The following PLEKHA6 variants were observed in gnomAD, a reference collection of about 807,000 sequenced individuals.
PLEKHA6 encodes the protein pleckstrin homology domain containing A6.
In PLEKHA6, 60 loss-of-function variants were observed where a neutral mutation model predicts 116.7. The ratio of observed to expected loss-of-function variants is 0.51; its 90% CI spans 0.42 to 0.64. The LOEUF is 0.64. Ranked by LOEUF, PLEKHA6 falls within the 30% of genes least tolerant of loss-of-function variation. The pLI is 0.00. For missense variants in PLEKHA6, 1,338 were observed against 1,422.7 expected (o/e 0.94, Z 0.96); for synonymous variants, 489 against 556.1 (o/e 0.88, Z 1.70).
At chr1:204,256,921 T>A (rs1460843393) in intron 9 of PLEKHA6, 3 of 600,170 alleles carry the variant, frequency 5.0e-6, no homozygotes, top group Non-Finnish European at 9.0e-6. Flanking sequence ...AGGTGAGGGG[T>A]CTGGCTGGGA....
chr1:204,244,914 A>C lies in PLEKHA6; in HGVS notation c.2122T>G (p.Ser708Ala). 6.5e-7 allele frequency: 1 copy of C among 1,546,040 alleles called. No individual in the cohort carries two copies. Among genetic ancestry groups the C allele is most frequent in the East Asian group, 2.5e-5 (1 of 40,276 alleles). The change falls in exon 15 of 23, where the codon TCA (serine) becomes GCA (alanine). Residue 708 changes from serine (S) to alanine (A), a missense_variant. Physicochemically the swap from Ser to Ala is moderately conservative, Grantham distance 99 (BLOSUM62 1). Transcript: ENST00000272203. ...ASLTSPLSPF[S>A]LVSGSQGSPT... ...GACCCCTGAGAGCCCGACACCAGTGAAAAGGGGCTCAGGGGGCTGGTGAGG... is the reference window on the plus strand; with the variant it reads ...GACCCCTGAGAGCCCGACACCAGTGCAAAGGGGCTCAGGGGGCTGGTGAGG...
chr1:204,315,539 G>C (rs561730557), intron 1 of PLEKHA6, among the ~76,000 whole-genome samples: 2 of 152,226 alleles, frequency 1.3e-5, no homozygotes, highest in East Asian at 1.9e-4. Flanking sequence ...TGTTAGGGCT[G>C]AGCTCAAATG....
chr1:204,365,044 T>G (rs923707445), intron 3 of PLEKHA6, among the ~76,000 whole-genome samples: 1 of 151,940 alleles, frequency 6.6e-6, no homozygotes, highest in African/African-American at 2.4e-5. Flanking sequence ...GAGGAGAGAT[T>G]GGCACCTACA....
chr1:204,273,678 A>G lies in PLEKHA6; in HGVS notation c.50T>C (p.Ile17Thr). 6.2e-7 allele frequency: 1 copy of G among 1,614,128 alleles called. No homozygotes were observed. The highest frequency in any genetic ancestry group is 8.5e-7 in the Non-Finnish European group (1 of 1,180,000). Reference protein sequence around the residue: ...GKRPATTNSDIPNHNMVSEVP... With the variant: ...GKRPATTNSDTPNHNMVSEVP... The stretch of plus-strand genomic sequence containing the variant: ...CTCGGACACCATGTTGTGGTTGGGT[A>G]TGTCACTGTTGGTGGTAGCCGGGCG... Residue 17 changes from isoleucine (I) to threonine (T), a missense_variant, in exon 3 of 23, where the codon ATA becomes ACA. Physicochemically the swap from Ile to Thr is moderately conservative, Grantham distance 89 (BLOSUM62 -1). Coordinates refer to ENST00000272203, the MANE Select transcript of PLEKHA6 (RefSeq NM_014935.5).
At chr1:204,278,139 C>G (rs534874694) in intron 1 of PLEKHA6, among the ~76,000 whole-genome samples, 5 of 152,308 alleles carry the variant, frequency 3.3e-5, no homozygotes, top group South Asian at 2.1e-4. Context: ...AGCGCTCCCC[C>G]CTTTCCTAAT....
chr1:204,257,386 G>A lies in PLEKHA6; in HGVS notation c.1491C>T (p.Ala497=), dbSNP rs1455367449. ...AGCTGATGGATCGCCTCATCACATA[G>A]GCAGCAGGGTCAGCATAGATGTCCT... The part of the protein sequence containing the change: ...RSEDIYADPA[A]YVMRRSISSP... The change falls in exon 9 of 23, where the codon GCC becomes GCT. Residue 497 remains alanine (A), a synonymous_variant. Transcript: ENST00000272203. This position sits in a 1 kb window ranked among gnomAD's most constrained non-coding sequence, Gnocchi z 6.5. The A allele has an allele frequency of 2.6e-6, 4 of 1,563,646 alleles. No individual in the cohort carries two copies. Among genetic ancestry groups the A allele is most frequent in the Non-Finnish European group, 3.5e-6 (4 of 1,153,506 alleles).
intron 1 of PLEKHA6, among the ~76,000 whole-genome samples, chr1:204,328,333 C>T (rs1334340744): frequency 6.6e-6 from 1 of 151,534 alleles, no homozygotes; most frequent in Non-Finnish European, 1.5e-5. Flanking sequence ...CCTCCCGCCT[C>T]GGCCACCCAA....
chr1:204,346,734 A>C, intron 1 of PLEKHA6: 1 of 804,228 alleles, frequency 1.2e-6, no homozygotes, highest in Non-Finnish European at 2.2e-6. Flanking sequence ...AAAAGAATTC[A>C]GCGATATTTC....
chr1:204,373,703 G>C (rs1440899463), intron 1 of PLEKHA6, among the ~76,000 whole-genome samples: 2 of 152,196 alleles, frequency 1.3e-5, no homozygotes, highest in Admixed American at 6.5e-5. Flanking sequence ...TTGTGTACTA[G>C]TGTTGGTGTG....
At chr1:204,339,624 C>T (rs546280065) in intron 1 of PLEKHA6, among the ~76,000 whole-genome samples, 6 of 152,290 alleles carry the variant, frequency 3.9e-5, no homozygotes, top group African/African-American at 1.4e-4. Context: ...AATGAACCCC[C>T]AGGGAAATAA....
At chr1:204,273,205 G>C (rs184324335) in intron 3 of PLEKHA6, among the ~76,000 whole-genome samples, 309 of 152,238 alleles carry the variant, frequency 2.0e-3, no homozygotes, top group African/African-American at 7.2e-3. Flanking sequence ...CAAGACCAGT[G>C]GTTCTCAATG....
intron 1 of PLEKHA6, among the ~76,000 whole-genome samples, chr1:204,337,921 G>C (rs1163003935): frequency 6.6e-6 from 1 of 152,262 alleles, no homozygotes; most frequent in Non-Finnish European, 1.5e-5. Flanking sequence ...AGAACAAGAA[G>C]CCATGGCATG....
chr1:204,375,852 T>C (rs1192189329), intron 1 of PLEKHA6, among the ~76,000 whole-genome samples: 3 of 151,458 alleles, frequency 2.0e-5, no homozygotes. Flanking sequence ...CCGAGTGCTC[T>C]AGGTTACCTG....
chr1:204,266,099 C>CTG (rs1666781923), intron 5 of PLEKHA6, among the ~76,000 whole-genome samples: 2 of 151,986 alleles, frequency 1.3e-5, no homozygotes, highest in African/African-American at 4.8e-5. Flanking sequence ...TCCTTAAGCC[C>CTG]TGCTTCTCCT....
chr1:204,285,812 G>GAGAAGAGTTGGAGAAGGA (rs1669104839), intron 1 of PLEKHA6, among the ~76,000 whole-genome samples: 1 of 152,246 alleles, frequency 6.6e-6, no homozygotes, highest in African/African-American at 2.4e-5. Context: ...GAGGCTGGGA[G>GAGAAGAGTTGGAGAAGGA]AGAAGAGTTG....
At chr1:204,299,407 G>A (rs1365295687) in intron 1 of PLEKHA6, among the ~76,000 whole-genome samples, 2 of 152,220 alleles carry the variant, frequency 1.3e-5, no homozygotes, top group African/African-American at 4.8e-5. Context: ...ACTGCCCAGT[G>A]CAGAAGAGCC....
At chr1:204,268,616 C>T (rs1303876915) in intron 3 of PLEKHA6, among the ~76,000 whole-genome samples, 1 of 147,478 alleles carries the variant, frequency 6.8e-6, no homozygotes, top group Non-Finnish European at 1.5e-5. Context: ...AATAAGATTT[C>T]CAATTTCACT....
chr1:204,297,061 A>C, intron 1 of PLEKHA6: 1 of 973,826 alleles, frequency 1.0e-6, no homozygotes, highest in Non-Finnish European at 1.2e-6. Context: ...TTCTTTTTTT[A>C]AACTACCAGC....
chr1:204,264,852 C>T (rs1345195478), intron 6 of PLEKHA6, 90 bp downstream of exon 6: 12 of 952,888 alleles, frequency 1.3e-5, no homozygotes, highest in South Asian at 5.2e-5. Flanking sequence ...TTCCTTAGAG[C>T]GATGGCTCTT....
Sources: gnomAD v4.1 joint callset for allele counts (sites outside exome capture counted in the v4.1 genomes callset) on GRCh38, gnomAD v4.1.1 for gene constraint, Gnocchi (gnomAD v3.1) non-coding constraint, MANE v1.5 for transcripts, NCBI Gene and HGNC (gene_info 2026-07-23, HGNC 2026-07-21) for gene names.